The following ADCY3 variants were observed in gnomAD, a reference collection of about 807,000 sequenced individuals.
The protein encoded by ADCY3 is adenylate cyclase type 3.
Under a neutral mutation model 119.4 loss-of-function variants are expected in ADCY3, and 70 were observed. That is an observed-to-expected ratio of 0.59 (90% CI 0.48 to 0.72). ADCY3 has a LOEUF of 0.72. Among genes scored for constraint, ADCY3 ranks in the 30% least tolerant of loss-of-function variants. The pLI, the probability that ADCY3 is intolerant of heterozygous loss-of-function variation, is 0.00. For synonymous variants in ADCY3, 672 were observed against 621.4 expected, an observed-to-expected ratio of 1.08 and a Z score of -1.21; for missense variants, 1,238 against 1,541.6, an observed-to-expected ratio of 0.80 and a Z score of 3.30.
intron 2 of ADCY3, among the ~76,000 whole-genome samples, chr2:24,880,281 G>T (rs1284643135): frequency 6.6e-6 from 1 of 152,250 alleles, no homozygotes; most frequent in Non-Finnish European, 1.5e-5. Context: ...CAGCTTCTCA[G>T]GTTGCGCACT....
intron 3 of ADCY3, among the ~76,000 whole-genome samples, chr2:24,870,435 C>A (rs1674853823): frequency 6.6e-6 from 1 of 152,108 alleles, no homozygotes; most frequent in African/African-American, 2.4e-5. Flanking sequence ...CAGGACAGAG[C>A]CTGGCTAGAC....
In ADCY3 at chr2:24,918,672, C is replaced by T; in HGVS notation, c.316G>A (p.Ala106Thr). The T allele has an allele frequency of 1.2e-6, 2 of 1,614,134 alleles. No individual in the cohort carries two copies. The highest frequency in any genetic ancestry group is 1.7e-6 in the Non-Finnish European group (2 of 1,180,004). ...CCAATTCCAGCCACGGCGAGGGAAG[C>T]CAGCTTGTCGCTGGAGAAGACCACA... ...CAVVFSSDKL[A>T]SLAVAGIGLV... is the part of the protein sequence containing the mutation. Residue 106 changes from alanine to threonine, a missense_variant, in exon 2 of 22, where the codon GCT becomes ACT. Physicochemically the swap from Ala to Thr is moderately conservative, Grantham distance 58 (BLOSUM62 0). Coordinates refer to ENST00000679454, the MANE Select transcript of ADCY3 (RefSeq NM_004036.5). This position sits in a 1 kb window ranked among gnomAD's most constrained non-coding sequence, Gnocchi z 5.4.
intron 3 of ADCY3, among the ~76,000 whole-genome samples, chr2:24,859,452 G>A (rs1434353297): frequency 2.0e-5 from 3 of 152,156 alleles, no homozygotes; most frequent in African/African-American, 7.2e-5. Context: ...GAGGCAACTG[G>A]CCTCTGGCTC....
Position 24,844,255 on chromosome 2 carries a change from C to T in ADCY3, c.826-1871G>A, listed in dbSNP as rs369261547. Among the ~76,000 whole-genome samples the T allele has an allele frequency of 3.2e-3, 485 of 152,092 alleles. 5 individuals are homozygous for T. The highest frequency in any genetic ancestry group is 0.011 in the African/African-American group (458 of 41,490). On this transcript the variant is annotated intron_variant, in intron 3 of 21. Coordinates refer to ENST00000679454, the MANE Select transcript of ADCY3 (RefSeq NM_004036.5). ...TGCTGAAAGGTGAGGAGTGCATGGG[C>T]GGGAACTCAGGACCCCCAGGAGCTC... is the stretch of plus-strand genomic sequence containing the variant.
chr2:24,834,991 G>A lies in ADCY3; in HGVS notation c.1663-55C>T. ...GCAGATGGGACAGAGTGGTGGGGAA[G>A]AGCTGGGAAAGACAGAGGTGGAGGA... On this transcript the variant is annotated intron_variant, in intron 9 of 21. Coordinates refer to ENST00000679454, the MANE Select transcript of ADCY3 (RefSeq NM_004036.5). This position sits in a 1 kb window ranked among gnomAD's most constrained non-coding sequence, Gnocchi z 4.2. 1 of 1,583,850 alleles carries A rather than the reference G, an allele frequency of 6.3e-7. No individual in the cohort carries two copies. The highest frequency in any genetic ancestry group is 8.6e-7 in the Non-Finnish European group (1 of 1,162,336).
At chr2:24,820,703 C>T in intron 21 of ADCY3, 21 bp downstream of exon 21, 2 of 1,613,568 alleles carry the variant, frequency 1.2e-6, no homozygotes, top group South Asian at 1.1e-5. Flanking sequence ...GAGCACGTGC[C>T]AGCTGTGCCA....
chr2:24,867,052 A>C (rs1452873394), intron 3 of ADCY3, among the ~76,000 whole-genome samples: 1 of 152,244 alleles, frequency 6.6e-6, no homozygotes, highest in African/African-American at 2.4e-5. Flanking sequence ...GAGATGTCAA[A>C]CCAACATTCA....
At chr2:24,907,495 G>T (rs1663010518) in intron 2 of ADCY3, among the ~76,000 whole-genome samples, 2 of 152,146 alleles carry the variant, frequency 1.3e-5, no homozygotes, top group African/African-American at 4.8e-5. Flanking sequence ...GAAAAGGAAA[G>T]AAACAGTTTC....
At position 24,826,116 on chromosome 2, in the gene ADCY3, C is replaced by A. The variant is rs750875744; in HGVS notation, c.2506G>T (p.Val836Leu). 6 of 1,613,866 alleles carry A rather than the reference C, an allele frequency of 3.7e-6. No homozygotes were observed. The highest frequency in any genetic ancestry group is 8.5e-7 in the Non-Finnish European group (1 of 1,179,952). The change falls in exon 16 of 22, where the codon GTG becomes TTG. Residue 836 changes from valine to leucine, a missense_variant. Around this residue, in one of 7 missense-constraint regions of ADCY3, gnomAD observed 499 missense variants for 571.0 expected, o/e 0.87. Coordinates refer to ENST00000679454, the MANE Select transcript of ADCY3 (RefSeq NM_004036.5). ...ACCGTCATAGAGTACTTGGAAGGCA[C>A]CAGGGGCAGCCTGCTGGGCAGAGCG... is the stretch of plus-strand genomic sequence containing the variant. Reference protein sequence around the residue: ...GLNGTDRLPLVPSKYSMTVMV... With the variant: ...GLNGTDRLPLLPSKYSMTVMV...
intron 3 of ADCY3, among the ~76,000 whole-genome samples, chr2:24,865,902 G>A (rs1259934808): frequency 6.6e-6 from 1 of 152,172 alleles, no homozygotes; most frequent in Non-Finnish European, 1.5e-5. Flanking sequence ...CCAGGGTCGA[G>A]AGGCTGGAGA....
intron 3 of ADCY3, among the ~76,000 whole-genome samples, chr2:24,860,292 GACAA>G (rs1272935741): frequency 6.6e-6 from 1 of 152,190 alleles, no homozygotes; most frequent in East Asian, 1.9e-4. Context: ...TGGGAATAAA[GACAA>G]ACAACTCCAG....
chr2:24,882,414 G>T (rs1043924718), intron 2 of ADCY3, among the ~76,000 whole-genome samples: 1 of 152,174 alleles, frequency 6.6e-6, no homozygotes, highest in Non-Finnish European at 1.5e-5. Context: ...GCTCTTGTCA[G>T]ATTCTCCTAA....
chr2:24,887,767 T>C (rs1360222148), intron 2 of ADCY3, among the ~76,000 whole-genome samples: 1 of 152,098 alleles, frequency 6.6e-6, no homozygotes, highest in East Asian at 1.9e-4. Flanking sequence ...GTTGCCACAC[T>C]TTAAACTCGC....
In ADCY3 at chr2:24,842,346, AG is replaced by A. The variant is rs1274028805; in HGVS notation, c.863del (p.Ala288ValfsTer5). On this transcript the variant is annotated frameshift_variant, in exon 4 of 22. Transcript: ENST00000679454. LOFTEE classifies it high-confidence loss of function. This position sits in a 1 kb window ranked among gnomAD's most constrained non-coding sequence, Gnocchi z 4.9. ...LMLSILPKHV[A>X]DEMLKDMKKD... ...TCTTCATGTCTTTCAGCATCTCGTC[AG>A]CCACGTGCTTGGGCAGGATGGAAAG... The A allele has an allele frequency of 6.2e-7, 1 of 1,614,016 alleles. No homozygotes were observed. Among genetic ancestry groups the A allele is most frequent in the Non-Finnish European group, 8.5e-7 (1 of 1,180,050 alleles).
At chr2:24,820,659 A>G (rs868455739) in intron 21 of ADCY3, 65 bp downstream of exon 21, 16 of 1,600,314 alleles carry the variant, frequency 1.0e-5, no homozygotes, top group Middle Eastern at 3.3e-4. Flanking sequence ...CACGTGGGAA[A>G]GCACTGTTCC....
chr2:24,911,490 T>C (rs1024655366), intron 2 of ADCY3, among the ~76,000 whole-genome samples: 4 of 151,216 alleles, frequency 2.6e-5, no homozygotes, highest in African/African-American at 4.9e-5. Context: ...CTACTAAAAA[T>C]ACAAAAAAAA....
At chr2:24,828,748 G>A (rs1457738948) in intron 13 of ADCY3, among the ~76,000 whole-genome samples, 2 of 152,178 alleles carry the variant, frequency 1.3e-5, no homozygotes, top group African/African-American at 4.8e-5. Context: ...TCTTGCTTGC[G>A]CGATTCCCGC....
At chr2:24,823,739 T>C (rs1451521103) in intron 17 of ADCY3, among the ~76,000 whole-genome samples, 1 of 150,594 alleles carries the variant, frequency 6.6e-6, no homozygotes, top group Non-Finnish European at 1.5e-5. Context: ...TCACCCAGGC[T>C]GGAGTTGAGT....
At chr2:24,881,253 T>TCCGAG (rs111333893) in intron 2 of ADCY3, among the ~76,000 whole-genome samples, 81,040 of 151,542 alleles carry the variant, frequency 0.53, 24,252 homozygotes, top group African/African-American at 0.83. Context: ...GCCAAAGCCA[T>TCCGAG]CCCAGCCCAG....
Sources: allele counts gnomAD v4.1 joint callset (sites outside exome capture counted in the v4.1 genomes callset), GRCh38; gene constraint gnomAD v4.1.1; regional missense constraint gnomAD v4.1.1; non-coding constraint Gnocchi (gnomAD v3.1); transcripts MANE v1.5; gene names NCBI Gene and HGNC (gene_info 2026-07-23, HGNC 2026-07-21).